GABRR1: variants seen among roughly 807,000 people sequenced by gnomAD.
GABRR1 encodes the protein gamma-aminobutyric acid receptor subunit rho-1.
GABRR1 carries 59 observed loss-of-function variants against 55.5 expected under a neutral mutation model. That is an observed-to-expected ratio of 1.06 (90% confidence interval 0.86 to 1.32). GABRR1 has a LOEUF of 1.32. GABRR1 is among the 40% of genes most tolerant of loss of function. The pLI is 0.00. For missense variants in GABRR1, 602 were observed against 619.1 expected, an observed-to-expected ratio of 0.97 and a Z score of 0.29; for synonymous variants, 213 against 226.0, an observed-to-expected ratio of 0.94 and a Z score of 0.51.
At chr6:89,216,625 A>C (rs1046112270) in intron 1 of GABRR1, among the ~76,000 whole-genome samples, 1 of 152,188 alleles carries the variant, frequency 6.6e-6, no homozygotes, top group Non-Finnish European at 1.5e-5. Context: ...ACAGGGCACC[A>C]TGCACCTTTG....
At chr6:89,190,113 G>A in intron 6 of GABRR1, 52 bp downstream of exon 6, 1 of 1,285,514 alleles carries the variant, frequency 7.8e-7, no homozygotes, top group Non-Finnish European at 1.1e-6. Context: ...AGTTAGAGGT[G>A]TTGAGAATTA....
At chr6:89,179,577 T>G (rs764290358) in intron 9 of GABRR1, among the ~76,000 whole-genome samples, 8 of 152,206 alleles carry the variant, frequency 5.3e-5, no homozygotes, top group Non-Finnish European at 7.3e-5. Flanking sequence ...AATATCACAG[T>G]GCCATACCAA....
At chr6:89,206,010 C>T (rs998358715) in intron 1 of GABRR1, among the ~76,000 whole-genome samples, 2 of 151,730 alleles carry the variant, frequency 1.3e-5, no homozygotes, top group South Asian at 2.1e-4. Flanking sequence ...ATAAAGGCCA[C>T]GAAAGGCCAA....
In GABRR1 at chr6:89,203,475, G is replaced by T. The variant is rs1445883256; in HGVS notation, c.133C>A (p.Gln45Lys). 1 of 1,612,804 alleles carries T rather than the reference G, an allele frequency of 6.2e-7. No homozygotes were observed. Among genetic ancestry groups the T allele is most frequent in the Admixed American group, 1.7e-5 (1 of 60,006 alleles). ...EMSKKGRPQR[Q>K]RREVHEDAHK... ...GCATCTTCATGTACTTCTCGTCTTTGTCTTTGGGGCCTACCATGAACATTA... is the reference window on the plus strand; with the variant it reads ...GCATCTTCATGTACTTCTCGTCTTTTTCTTTGGGGCCTACCATGAACATTA... Residue 45 changes from glutamine (Q) to lysine (K), a missense_variant, in exon 2 of 10, where the codon CAA becomes AAA. Around this residue, in one of 3 missense-constraint regions of GABRR1, gnomAD observed 435 missense variants for 424.2 expected, o/e 1.03. Coordinates refer to ENST00000454853, the MANE Select transcript of GABRR1 (RefSeq NM_002042.5).
chr6:89,189,322 T>C (rs1013238425), intron 6 of GABRR1, among the ~76,000 whole-genome samples: 1 of 149,506 alleles, frequency 6.7e-6, no homozygotes, highest in Non-Finnish European at 1.5e-5. Context: ...CATGGAATAC[T>C]ATGCAGCCAT....
At chr6:89,194,335 C>T (rs142235942) in intron 5 of GABRR1, among the ~76,000 whole-genome samples, 32 of 152,122 alleles carry the variant, frequency 2.1e-4, no homozygotes, top group Non-Finnish European at 3.7e-4. Context: ...GTTACTGGAG[C>T]GAGGCGAACC....
chr6:89,211,075 A>AGCAGGG (rs1413959310), intron 1 of GABRR1, among the ~76,000 whole-genome samples: 1 of 152,182 alleles, frequency 6.6e-6, no homozygotes, highest in African/African-American at 2.4e-5. Context: ...GACTGCAAGG[A>AGCAGGG]GCAGGGGCAG....
chr6:89,207,358 C>T (rs12664859), intron 1 of GABRR1, among the ~76,000 whole-genome samples: 2 of 151,998 alleles, frequency 1.3e-5, no homozygotes, highest in South Asian at 4.2e-4. Context: ...CCATGCCAAG[C>T]TAAGTTTTGT....
chr6:89,218,731 G>T (rs1443744616), upstream of GABRR1, among the ~76,000 whole-genome samples: 1 of 152,208 alleles, frequency 6.6e-6, no homozygotes, highest in Non-Finnish European at 1.5e-5. Flanking sequence ...CCATTTTAAG[G>T]AATAAAGGTT....
intron 1 of GABRR1, among the ~76,000 whole-genome samples, chr6:89,215,675 G>C (rs1027190019): frequency 1.3e-5 from 2 of 152,050 alleles, no homozygotes; most frequent in Non-Finnish European, 2.9e-5. Flanking sequence ...AATTTCAAAT[G>C]TTCTCACCAC....
upstream of GABRR1, among the ~76,000 whole-genome samples, chr6:89,220,183 T>C (rs1773093056): frequency 6.6e-6 from 1 of 152,202 alleles, no homozygotes; most frequent in Admixed American, 6.5e-5. Context: ...CCTTTCTTTC[T>C]TGTTTAGAGG....
chr6:89,216,022 T>C (rs1181674851), intron 1 of GABRR1, among the ~76,000 whole-genome samples: 1 of 152,180 alleles, frequency 6.6e-6, no homozygotes, highest in Non-Finnish European at 1.5e-5. Flanking sequence ...GCTGCACCAA[T>C]CCACAAGTTC....
intron 8 of GABRR1, among the ~76,000 whole-genome samples, chr6:89,181,059 T>C (rs945318863): frequency 6.6e-6 from 1 of 152,212 alleles, no homozygotes; most frequent in Non-Finnish European, 1.5e-5. Flanking sequence ...CAATGTTAAC[T>C]TCATTTATAG....
intron 7 of GABRR1, among the ~76,000 whole-genome samples, chr6:89,184,435 G>A (rs1030439464): frequency 2.6e-5 from 4 of 152,064 alleles, no homozygotes; most frequent in African/African-American, 4.8e-5. Flanking sequence ...ACAGGAGGGG[G>A]TGAGCCTGTC....
chr6:89,185,725 T>C (rs527391793), intron 6 of GABRR1, among the ~76,000 whole-genome samples: 1 of 152,372 alleles, frequency 6.6e-6, no homozygotes, highest in East Asian at 1.9e-4. Context: ...CAGCCTGCCA[T>C]TTATTAGGTT....
At chr6:89,208,408 G>T (rs1457526969) in intron 1 of GABRR1, among the ~76,000 whole-genome samples, 1 of 152,202 alleles carries the variant, frequency 6.6e-6, no homozygotes, top group Non-Finnish European at 1.5e-5. Context: ...TAAAATGTGT[G>T]ATGGTTAATT....
intron 1 of GABRR1, among the ~76,000 whole-genome samples, chr6:89,216,463 C>T (rs1772984213): frequency 6.6e-6 from 1 of 152,334 alleles, no homozygotes. Context: ...CTCCAAGTCT[C>T]CTGTATTATT....
At chr6:89,207,321 A>G (rs1167882551) in intron 1 of GABRR1, among the ~76,000 whole-genome samples, 1 of 151,964 alleles carries the variant, frequency 6.6e-6, no homozygotes, top group South Asian at 2.1e-4. Context: ...CAGCTTCCTG[A>G]GTAGCTGGGA....
chr6:89,203,597 A>C, intron 1 of GABRR1, 112 bp from the exon 2 acceptor site: 1 of 803,400 alleles, frequency 1.2e-6, no homozygotes. Flanking sequence ...ATAAAATGTA[A>C]AAGAAGAAGA....
Sources: allele counts gnomAD v4.1 joint callset (sites outside exome capture counted in the v4.1 genomes callset), GRCh38; gene constraint gnomAD v4.1.1; regional missense constraint gnomAD v4.1.1; transcripts MANE v1.5; gene names NCBI Gene and HGNC (gene_info 2026-07-23, HGNC 2026-07-21).